CSMD1: variants seen among roughly 807,000 people sequenced by gnomAD.
CSMD1 encodes CUB and Sushi multiple domains 1.
Under a neutral mutation model 417.5 loss-of-function variants are expected in CSMD1, and 213 were observed. The ratio of observed to expected loss-of-function variants is 0.51; its 90% confidence interval spans 0.46 to 0.57. The LOEUF is 0.57. CSMD1 is among the 20% of genes least tolerant of loss of function. The pLI is 0.00. For synonymous variants in CSMD1, 2,862 were observed against 1,736.8 expected (o/e 1.65, Z -16.11); for missense variants, 6,923 against 4,529.7 (o/e 1.53, Z -15.17).
chr8:3,518,644 A>G (rs147892460), intron 10 of CSMD1, among the ~76,000 whole-genome samples: 2 of 152,316 alleles, frequency 1.3e-5, no homozygotes, highest in African/African-American at 4.8e-5. Context: ...AAATGAAAGG[A>G]AGAAACAAAT....
At chr8:4,543,756 T>C (rs913075151) in intron 2 of CSMD1, among the ~76,000 whole-genome samples, 5 of 148,372 alleles carry the variant, frequency 3.4e-5, no homozygotes, top group African/African-American at 1.2e-4. Flanking sequence ...CCACCGCTAA[T>C]GACTGAGAGT....
At chr8:4,034,071 G>C (rs542714825) in intron 3 of CSMD1, among the ~76,000 whole-genome samples, 1 of 152,276 alleles carries the variant, frequency 6.6e-6, no homozygotes, top group African/African-American at 2.4e-5. Flanking sequence ...CATTGTCTTT[G>C]CATCGGCATG....
chr8:4,125,497 T>A (rs1802710495), intron 3 of CSMD1, among the ~76,000 whole-genome samples: 1 of 152,184 alleles, frequency 6.6e-6, no homozygotes, highest in African/African-American at 2.4e-5. Context: ...CCGCACTGGG[T>A]ACACGTCGGC....
At chr8:3,403,240 C>A (rs748684611) in intron 15 of CSMD1, among the ~76,000 whole-genome samples, 1 of 152,170 alleles carries the variant, frequency 6.6e-6, no homozygotes, top group African/African-American at 2.4e-5. Flanking sequence ...GGGATGTGAG[C>A]TTCTTCAAAC....
chr8:4,331,467 C>T (rs1352349051), intron 3 of CSMD1, among the ~76,000 whole-genome samples: 1 of 152,114 alleles, frequency 6.6e-6, no homozygotes, highest in Non-Finnish European at 1.5e-5. Flanking sequence ...CCTTGCCAGC[C>T]TTCTTTTGGG....
chr8:3,404,090 C>A (rs1812201068), intron 15 of CSMD1, among the ~76,000 whole-genome samples: 1 of 152,136 alleles, frequency 6.6e-6, no homozygotes, highest in Non-Finnish European at 1.5e-5. Context: ...ATAAACAGGA[C>A]CTGGTTAGAA....
chr8:3,158,059 T>A, intron 38 of CSMD1, 93 bp from the exon 39 acceptor site: 1 of 1,039,730 alleles, frequency 9.6e-7, no homozygotes, highest in Non-Finnish European at 1.4e-6. Context: ...TTTCCTTTCT[T>A]GTTTTAATTA....
chr8:3,441,768 T>G (rs1814998262), intron 12 of CSMD1, among the ~76,000 whole-genome samples: 1 of 152,070 alleles, frequency 6.6e-6, no homozygotes, highest in South Asian at 2.1e-4. Flanking sequence ...TAATAATAAG[T>G]GACTATGACA....
rs75965413 is a variant in CSMD1 at position 4,292,791 on chromosome 8, C to G, written c.415+127162G>C. On this transcript the variant is annotated intron_variant, in intron 3 of 69. Transcript: ENST00000635120. Reference sequence around the variant, plus strand: ...TAAACACAATCTTCAGTAGTCCCAACCATGTATCTTATTACATAAAAGATT... The same window carrying G: ...TAAACACAATCTTCAGTAGTCCCAAGCATGTATCTTATTACATAAAAGATT... 1.0e-3 allele frequency among the ~76,000 whole-genome samples: 153 copies of G among 152,264 alleles called. 1 individual carries two copies. Among genetic ancestry groups the G allele is most frequent in the Middle Eastern group, 3.4e-3 (1 of 294 alleles).
chr8:3,849,576 A>G (rs531953438), intron 5 of CSMD1, among the ~76,000 whole-genome samples: 143 of 152,140 alleles, frequency 9.4e-4, no homozygotes, highest in Non-Finnish European at 1.8e-3. Flanking sequence ...GAGTTCAGCT[A>G]ATGCTCCACA....
At chr8:4,257,118 G>A (rs1406137220) in intron 3 of CSMD1, among the ~76,000 whole-genome samples, 1 of 152,200 alleles carries the variant, frequency 6.6e-6, no homozygotes, top group African/African-American at 2.4e-5. Context: ...CTCTATATGA[G>A]TCATACTCAC....
intron 3 of CSMD1, among the ~76,000 whole-genome samples, chr8:4,342,688 G>C (rs576404502): frequency 2.0e-5 from 3 of 152,160 alleles, no homozygotes; most frequent in South Asian, 2.1e-4. Context: ...CCCAGCGATA[G>C]AGCCAATGAT....
chr8:3,216,855 G>C (rs1176949793), intron 29 of CSMD1, among the ~76,000 whole-genome samples: 3 of 152,208 alleles, frequency 2.0e-5, no homozygotes, highest in African/African-American at 4.8e-5. Context: ...TTCCCATCAT[G>C]CCTAAGAACT....
intron 2 of CSMD1, among the ~76,000 whole-genome samples, chr8:4,473,130 T>A (rs1028502204): frequency 8.5e-5 from 13 of 152,178 alleles, no homozygotes; most frequent in African/African-American, 3.1e-4. Context: ...ATTACAACCT[T>A]ATAGTAAATT....
At chr8:4,870,433 T>A (rs1802671788) in intron 1 of CSMD1, among the ~76,000 whole-genome samples, 1 of 152,132 alleles carries the variant, frequency 6.6e-6, no homozygotes, top group Admixed American at 6.5e-5. Flanking sequence ...TGCATAGTAT[T>A]CCATAACTTG....
intron 25 of CSMD1, among the ~76,000 whole-genome samples, chr8:3,306,372 C>T (rs1434363209): frequency 1.3e-5 from 2 of 152,136 alleles, no homozygotes; most frequent in Admixed American, 1.3e-4. Flanking sequence ...TGGAGTTTTG[C>T]CATGCTGGCC....
At chr8:3,782,640 T>C (rs1052835832) in intron 5 of CSMD1, among the ~76,000 whole-genome samples, 3 of 152,176 alleles carry the variant, frequency 2.0e-5, no homozygotes, top group Non-Finnish European at 4.4e-5. Flanking sequence ...GAACTTAAAG[T>C]GTAATTTAAA....
At chr8:4,707,516 G>T (rs1010606816) in intron 1 of CSMD1, among the ~76,000 whole-genome samples, 2 of 152,124 alleles carry the variant, frequency 1.3e-5, no homozygotes, top group African/African-American at 4.8e-5. Context: ...AGGAGTCCGT[G>T]AACAGTTAAA....
intron 20 of CSMD1, among the ~76,000 whole-genome samples, chr8:3,360,428 T>A (rs138190922): frequency 6.6e-6 from 1 of 152,222 alleles, no homozygotes; most frequent in South Asian, 2.1e-4. Flanking sequence ...ATCAAGTCCA[T>A]GGTTTTGACA....
Sources: allele counts gnomAD v4.1 joint callset (sites outside exome capture counted in the v4.1 genomes callset), GRCh38; gene constraint gnomAD v4.1.1; transcripts MANE v1.5; gene names NCBI Gene and HGNC (gene_info 2026-07-23, HGNC 2026-07-21).